Variants in SLC12A2 observed in about 807,000 individuals in gnomAD.
SLC12A2 encodes the protein Na-K-2Cl cotransporter 1.
A neutral mutation model predicts 136.3 loss-of-function variants in SLC12A2; 67 were observed. The ratio of observed to expected loss-of-function variants is 0.49; its 90% CI spans 0.40 to 0.60. SLC12A2 has a LOEUF of 0.60. SLC12A2 is among the 20% of genes least tolerant of loss of function. The pLI is 0.00. For missense variants in SLC12A2, 1,322 were observed against 1,534.7 expected, an observed-to-expected ratio of 0.86 and a Z score of 2.32; for synonymous variants, 619 against 562.9, an observed-to-expected ratio of 1.10 and a Z score of -1.41.
intron 15 of SLC12A2, among the ~76,000 whole-genome samples, chr5:128,156,354 TG>T (rs1762870577): frequency 6.6e-6 from 1 of 152,170 alleles, no homozygotes; most frequent in East Asian, 1.9e-4. Context: ...TTTTGTGGTT[TG>T]TGCCTTTAAA....
At chr5:128,181,945 C>A (rs376261092) in intron 23 of SLC12A2, among the ~76,000 whole-genome samples, 3 of 146,588 alleles carry the variant, frequency 2.0e-5, no homozygotes, top group East Asian at 2.1e-4. Context: ...ACTTACCCCC[C>A]CATCTAGTTG....
At chr5:128,087,158 A>G (rs1213178682) in intron 1 of SLC12A2, among the ~76,000 whole-genome samples, 1 of 152,228 alleles carries the variant, frequency 6.6e-6, no homozygotes, top group Non-Finnish European at 1.5e-5. Context: ...TAGATGTCCA[A>G]CTGTAGGGGA....
chr5:128,141,101 T>C (rs1762351846), intron 9 of SLC12A2, among the ~76,000 whole-genome samples: 1 of 152,198 alleles, frequency 6.6e-6, no homozygotes, highest in East Asian at 1.9e-4. Flanking sequence ...AATAAATTGC[T>C]TGTTTCAAGG....
chr5:128,088,007 C>CTGTGTGTGTGTGTGTGTGTGTGTGTG (rs58191870), intron 1 of SLC12A2, among the ~76,000 whole-genome samples: 38 of 140,388 alleles, frequency 2.7e-4, no homozygotes, highest in African/African-American at 5.0e-4. Context: ...GGAGGAGGCT[C>CTGTGTGTGTGTGTGTGTGTGTGTGTG]TGTGTGTGTG....
chr5:128,131,348 C>T, intron 5 of SLC12A2, 142 bp downstream of exon 5: 5 of 847,576 alleles, frequency 5.9e-6, no homozygotes, highest in Non-Finnish European at 9.3e-6. Flanking sequence ...AGGAGATAGG[C>T]AAAGAACAAA....
intron 4 of SLC12A2, among the ~76,000 whole-genome samples, chr5:128,117,905 G>A (rs549857705): frequency 6.6e-6 from 1 of 152,064 alleles, no homozygotes; most frequent in South Asian, 2.1e-4. Flanking sequence ...ATGGGCAAAG[G>A]ACATGAATAG....
chr5:128,114,508 T>C, intron 3 of SLC12A2, 78 bp from the exon 4 acceptor site: 1 of 1,037,860 alleles, frequency 9.6e-7, no homozygotes, highest in Non-Finnish European at 1.5e-6. Flanking sequence ...TTCAGTATTC[T>C]TAGACCAACC....
At chr5:128,123,783 A>G (rs776941107) in intron 4 of SLC12A2, among the ~76,000 whole-genome samples, 1 of 152,158 alleles carries the variant, frequency 6.6e-6, no homozygotes, top group Non-Finnish European at 1.5e-5. Context: ...AGTAGCTTAT[A>G]GTTTTAGCTA....
rs987529888 is a variant in SLC12A2, at chr5:128,180,831, T to G, written c.3101-52T>G. 2.9e-6 allele frequency: 3 copies of G among 1,050,958 alleles called. No homozygotes were observed. In the African/African-American group the frequency reaches 4.8e-5, roughly 17 times the overall value. The allele number at this position is 1,050,958 out of a possible 1,614,324, so 65.1% of individuals were successfully genotyped here. ...TTTTTCGAGACTAAATTGATGTTCCTGATTAAGAAATTTGCATTTAGTAAA... is the reference window on the plus strand; with the variant it reads ...TTTTTCGAGACTAAATTGATGTTCCGGATTAAGAAATTTGCATTTAGTAAA... On this transcript the variant is annotated intron_variant, in intron 22 of 26. Coordinates refer to ENST00000262461, the MANE Select transcript of SLC12A2 (RefSeq NM_001046.3).
intron 23 of SLC12A2, among the ~76,000 whole-genome samples, chr5:128,182,167 A>C (rs1763726091): frequency 6.6e-6 from 1 of 152,278 alleles, no homozygotes; most frequent in Middle Eastern, 3.4e-3. Flanking sequence ...TTAATAGTCA[A>C]ACCTATAGCA....
intron 20 of SLC12A2, among the ~76,000 whole-genome samples, chr5:128,176,767 A>G (rs1332305576): frequency 2.0e-5 from 3 of 152,192 alleles, no homozygotes; most frequent in East Asian, 3.9e-4. Flanking sequence ...GTTTAATGTC[A>G]TATTTATACC....
chr5:128,185,785 T>C (rs991427175), intron 26 of SLC12A2, among the ~76,000 whole-genome samples: 5 of 152,170 alleles, frequency 3.3e-5, no homozygotes, highest in Admixed American at 1.3e-4. Flanking sequence ...TAGGATTTAG[T>C]GTTAGATATC....
chr5:128,119,867 T>G (rs1201135267), intron 4 of SLC12A2, among the ~76,000 whole-genome samples: 1 of 152,124 alleles, frequency 6.6e-6, no homozygotes. Flanking sequence ...TGGGATCTAA[T>G]TAAACTAAAG....
intron 23 of SLC12A2, among the ~76,000 whole-genome samples, chr5:128,181,751 A>G (rs73339307): frequency 1.1e-3 from 164 of 152,086 alleles, no homozygotes; most frequent in African/African-American, 3.8e-3. Context: ...TGTTTCCCCC[A>G]GTGTTTCAGT....
intron 16 of SLC12A2, 79 bp downstream of exon 16, chr5:128,158,243 G>T (rs550607911): frequency 3.0e-6 from 3 of 1,011,434 alleles, no homozygotes; most frequent in African/African-American, 1.6e-5. Context: ...GTGCAGGTTT[G>T]TTATGTAGCT....
At chr5:128,108,135 G>T (rs80094496) in intron 1 of SLC12A2, among the ~76,000 whole-genome samples, 3,776 of 151,964 alleles carry the variant, frequency 0.025, 69 homozygotes, top group South Asian at 0.039. Context: ...AGCAGAAGAA[G>T]AATAATAGGC....
chr5:128,149,974 T>C, intron 12 of SLC12A2, 23 bp from the exon 13 acceptor site: 1 of 1,506,910 alleles, frequency 6.6e-7, no homozygotes, highest in East Asian at 2.3e-5. Flanking sequence ...CGTCAGTAAA[T>C]CTCGCATGTG....
chr5:128,158,605 G>C (rs1214946923), intron 16 of SLC12A2, among the ~76,000 whole-genome samples: 4 of 152,112 alleles, frequency 2.6e-5, no homozygotes, highest in African/African-American at 9.7e-5. Flanking sequence ...GTCTACCATT[G>C]ATGGGCATTT....
At chr5:128,144,544 C>G (rs1236847008) in intron 10 of SLC12A2, among the ~76,000 whole-genome samples, 1 of 152,136 alleles carries the variant, frequency 6.6e-6, no homozygotes, top group East Asian at 1.9e-4. Context: ...TATATTTCTA[C>G]ATTTTAATGT....
Sources: allele counts gnomAD v4.1 joint callset (sites outside exome capture counted in the v4.1 genomes callset), GRCh38; gene constraint gnomAD v4.1.1; transcripts MANE v1.5; gene names NCBI Gene and HGNC (gene_info 2026-07-23, HGNC 2026-07-21).